ULK4: variants seen among roughly 807,000 people sequenced by gnomAD.
The protein encoded by ULK4 is inactive serine/threonine-protein kinase ULK4.
Under a neutral mutation model 160.6 loss-of-function variants are expected in ULK4, and 133 were observed. That is an observed-to-expected ratio of 0.83 (90% CI 0.72 to 0.96). ULK4 has a LOEUF of 0.96. ULK4 is among the 40% of genes least tolerant of loss of function. The probability of loss-of-function intolerance (pLI) is 0.00; values close to 1 mark genes in which losing one functional copy is unlikely to be tolerated. For missense variants in ULK4, 1,580 were observed against 1,499.5 expected (o/e 1.05, Z -0.89); for synonymous variants, 534 against 539.8 (o/e 0.99, Z 0.15).
chr3:41,414,032 C>T (rs1420115509), intron 34 of ULK4, among the ~76,000 whole-genome samples: 1 of 152,156 alleles, frequency 6.6e-6, no homozygotes, highest in Non-Finnish European at 1.5e-5. Context: ...TGGAGAAACC[C>T]CGTCTCTACT....
At chr3:41,329,067 T>G (rs1264356933) in intron 35 of ULK4, among the ~76,000 whole-genome samples, 1 of 152,214 alleles carries the variant, frequency 6.6e-6, no homozygotes, top group Non-Finnish European at 1.5e-5. Context: ...ACCCTAGTAA[T>G]CACTGATATC....
At chr3:41,529,221 C>T (rs1336380148) in intron 32 of ULK4, among the ~76,000 whole-genome samples, 5 of 152,106 alleles carry the variant, frequency 3.3e-5, no homozygotes, top group Non-Finnish European at 7.4e-5. Context: ...AGCATTCTTC[C>T]TTATATTCAC....
chr3:41,835,189 AAC>A (rs1262730856), intron 18 of ULK4, among the ~76,000 whole-genome samples: 1 of 152,168 alleles, frequency 6.6e-6, no homozygotes, highest in Non-Finnish European at 1.5e-5. Flanking sequence ...CAGCCTGGGC[AAC>A]AGAGTGAGAC....
chr3:41,714,001 GGT>G (rs1448424371), intron 25 of ULK4, among the ~76,000 whole-genome samples: 6 of 151,980 alleles, frequency 3.9e-5, no homozygotes, highest in Non-Finnish European at 7.4e-5. Context: ...ATCCAAGGTG[GGT>G]TACCATAAAA....
At chr3:41,831,910 T>C (rs1207083384) in intron 18 of ULK4, among the ~76,000 whole-genome samples, 1 of 152,224 alleles carries the variant, frequency 6.6e-6, no homozygotes, top group Non-Finnish European at 1.5e-5. Flanking sequence ...TAGTATTCCA[T>C]GGTGTATATG....
At chr3:41,882,143 G>A in intron 17 of ULK4, 1 of 699,558 alleles carries the variant, frequency 1.4e-6, no homozygotes, top group South Asian at 1.5e-5. Flanking sequence ...GCCACACGGA[G>A]TCCCAAGAAT....
chr3:41,918,279 T>A (rs2148811120), intron 7 of ULK4, among the ~76,000 whole-genome samples, 178 bp downstream of exon 7: 1 of 152,318 alleles, frequency 6.6e-6, no homozygotes, highest in East Asian at 1.9e-4. Flanking sequence ...GTTTTCTGTT[T>A]CAGCATCTTT....
intron 27 of ULK4, among the ~76,000 whole-genome samples, chr3:41,682,734 A>G (rs1345894806): frequency 6.6e-6 from 1 of 152,236 alleles, no homozygotes; most frequent in Admixed American, 6.5e-5. Flanking sequence ...CCACTAAGTG[A>G]TGTCACATCA....
Position 41,900,529 on chromosome 3 carries a change from A to G in ULK4, c.1287+196T>C, listed in dbSNP as rs536903559. On this transcript the variant is annotated intron_variant, in intron 13 of 36. Coordinates refer to ENST00000301831, the MANE Select transcript of ULK4 (RefSeq NM_017886.4). ...GGGAGAAAACTTAGAACTCCAGTGA[A>G]GTGGAAGTGAAGGCAGAGGAAAGGG... 6.6e-5 allele frequency among the ~76,000 whole-genome samples: 10 copies of G among 152,332 alleles called. No homozygotes were observed. The South Asian group carries it at 2.1e-3, about 32-fold the overall frequency.
chr3:41,677,884 A>T (rs964614026), intron 29 of ULK4, among the ~76,000 whole-genome samples: 2 of 152,074 alleles, frequency 1.3e-5, no homozygotes, highest in African/African-American at 4.8e-5. Context: ...AGGGAAGCAA[A>T]TGGTCCTCCC....
chr3:41,363,973 C>T (rs1325249961), intron 35 of ULK4, among the ~76,000 whole-genome samples: 1 of 151,824 alleles, frequency 6.6e-6, no homozygotes, highest in African/African-American at 2.4e-5. Context: ...CTCTGTTGCC[C>T]AGGCTGGAGT....
intron 30 of ULK4, among the ~76,000 whole-genome samples, chr3:41,632,652 T>C (rs771670783): frequency 2.0e-5 from 3 of 151,710 alleles, no homozygotes; most frequent in Admixed American, 6.6e-5. Flanking sequence ...GTAATGACAA[T>C]AGCAGTAAAC....
intron 34 of ULK4, among the ~76,000 whole-genome samples, chr3:41,446,375 G>C (rs2083297277): frequency 1.3e-5 from 2 of 151,994 alleles, no homozygotes; most frequent in South Asian, 4.2e-4. Context: ...CCCTTTACTG[G>C]GTATATACCC....
intron 21 of ULK4, among the ~76,000 whole-genome samples, chr3:41,770,367 T>C (rs907549480): frequency 3.3e-5 from 5 of 152,190 alleles, no homozygotes; most frequent in Non-Finnish European, 5.9e-5. Context: ...CTTCATGCTT[T>C]CCATGTTGAC....
chr3:41,462,406 C>T (rs1254188096), intron 33 of ULK4, among the ~76,000 whole-genome samples: 1 of 152,162 alleles, frequency 6.6e-6, no homozygotes, highest in African/African-American at 2.4e-5. Context: ...TTCACTTGAT[C>T]TAAATATCAG....
At chr3:41,442,898 A>G (rs1320947879) in intron 34 of ULK4, among the ~76,000 whole-genome samples, 1 of 152,224 alleles carries the variant, frequency 6.6e-6, no homozygotes, top group Non-Finnish European at 1.5e-5. Context: ...AACACTTATC[A>G]AGAGTAGTTT....
intron 25 of ULK4, among the ~76,000 whole-genome samples, chr3:41,709,874 A>T (rs929088162): frequency 1.3e-5 from 2 of 152,230 alleles, no homozygotes; most frequent in Non-Finnish European, 2.9e-5. Flanking sequence ...TACTAAGTAA[A>T]GAAGACACAG....
intron 30 of ULK4, among the ~76,000 whole-genome samples, chr3:41,651,145 T>C (rs995735122): frequency 1.3e-5 from 2 of 152,172 alleles, no homozygotes; most frequent in Non-Finnish European, 2.9e-5. Context: ...GCTAAAATAA[T>C]GGTAATCCTC....
At chr3:41,489,472 A>C (rs975187892) in intron 32 of ULK4, among the ~76,000 whole-genome samples, 5 of 152,126 alleles carry the variant, frequency 3.3e-5, no homozygotes, top group Admixed American at 6.6e-5. Flanking sequence ...GCTTGGCCCC[A>C]TGCCTCACAA....
Sources: allele counts gnomAD v4.1 joint callset (sites outside exome capture counted in the v4.1 genomes callset), GRCh38; gene constraint gnomAD v4.1.1; transcripts MANE v1.5; gene names NCBI Gene and HGNC (gene_info 2026-07-23, HGNC 2026-07-21).